The following CRAMP1 variants were observed in gnomAD, a reference collection of about 807,000 sequenced individuals.
The protein encoded by CRAMP1 is cramped chromatin regulator 1.
A neutral mutation model predicts 115.4 loss-of-function variants in CRAMP1; 50 were observed. The observed-to-expected ratio is 0.43, with a 90% CI of 0.35 to 0.55. The LOEUF is 0.55. Ranked by LOEUF, CRAMP1 falls within the 20% of genes least tolerant of loss-of-function variation. The probability of loss-of-function intolerance (pLI) is 0.01; values close to 1 mark genes in which losing one functional copy is unlikely to be tolerated. For missense variants in CRAMP1, 1,679 were observed against 1,721.7 expected (o/e 0.98, Z 0.44); for synonymous variants, 866 against 745.4 (o/e 1.16, Z -2.64).
intron 8 of CRAMP1, among the ~76,000 whole-genome samples, chr16:1,655,010 G>C (rs929739909): frequency 3.9e-5 from 6 of 152,246 alleles, no homozygotes; most frequent in Non-Finnish European, 5.9e-5. Flanking sequence ...GTTTTCTTTA[G>C]CTCTGTGTGA....
chr16:1,666,260 T>C lies in CRAMP1; in HGVS notation c.2857+83T>C. 1 of 1,222,118 alleles carries C rather than the reference T, an allele frequency of 8.2e-7. No homozygotes were observed. The highest frequency in any genetic ancestry group is 1.2e-6 in the Non-Finnish European group (1 of 848,620). 75.7% of individuals were successfully genotyped at this position (1,222,118 alleles called of 1,614,324 possible). On this transcript the variant is annotated intron_variant, in intron 15 of 20. Transcript: ENST00000397412. The surrounding 1 kb of genome is among the most constrained non-coding windows in gnomAD (Gnocchi z 5.0). The stretch of plus-strand genomic sequence containing the variant: ...TGACCAGGTTTTTTGAATGTTTTCT[T>C]CTCCAAATCATAATGTCTCATTACC...
chr16:1,671,398 G>T lies in CRAMP1; in HGVS notation c.3645+589G>T, dbSNP rs118170876. Among the ~76,000 whole-genome samples the T allele has an allele frequency of 4.6e-4, 70 of 152,326 alleles. No individual in the cohort carries two copies. Among genetic ancestry groups the T allele is most frequent in the Admixed American group, 3.3e-3 (50 of 15,300 alleles). On this transcript the variant is annotated intron_variant, in intron 20 of 20. Transcript: ENST00000397412. This position sits in a 1 kb window ranked among gnomAD's most constrained non-coding sequence, Gnocchi z 5.0. Reference sequence around the variant, plus strand: ...TGGTTTGTGACTCTCCACTTTTGACGAGATGCAGCGTCCCTCTTTGTTGGC... The same window carrying T: ...TGGTTTGTGACTCTCCACTTTTGACTAGATGCAGCGTCCCTCTTTGTTGGC...
chr16:1,639,798 G>A (rs997464229), intron 5 of CRAMP1, among the ~76,000 whole-genome samples: 2 of 152,174 alleles, frequency 1.3e-5, no homozygotes, highest in Non-Finnish European at 2.9e-5. Flanking sequence ...TGTCTGGTCC[G>A]TTTGTTACTT....
intron 4 of CRAMP1, among the ~76,000 whole-genome samples, chr16:1,633,345 A>G (rs1234408459): frequency 1.3e-5 from 2 of 152,218 alleles, no homozygotes. Context: ...CCCACCACGC[A>G]GCTAGCTTCT....
At chr16:1,638,588 G>T (rs2036607314) in intron 5 of CRAMP1, among the ~76,000 whole-genome samples, 1 of 152,198 alleles carries the variant, frequency 6.6e-6, no homozygotes, top group Non-Finnish European at 1.5e-5. Context: ...CCAGGCGCTT[G>T]TGCCCAGCGC....
At chr16:1,622,739 C>T (rs1005349504) in intron 2 of CRAMP1, among the ~76,000 whole-genome samples, 6 of 151,532 alleles carry the variant, frequency 4.0e-5, no homozygotes, top group African/African-American at 1.2e-4. Context: ...TGTGCCACCA[C>T]GCCCGGCAGT....
chr16:1,638,532 T>C (rs763882084), intron 5 of CRAMP1, among the ~76,000 whole-genome samples: 50 of 152,154 alleles, frequency 3.3e-4, no homozygotes, highest in Non-Finnish European at 6.6e-4. Flanking sequence ...CAGATTCCCT[T>C]GAGACATTTT....
At chr16:1,663,197 A>T (rs2036847518) in intron 13 of CRAMP1, among the ~76,000 whole-genome samples, 1 of 152,190 alleles carries the variant, frequency 6.6e-6, no homozygotes, top group South Asian at 2.1e-4. Context: ...GCCTCTCATG[A>T]GCTCCCCAGG....
chr16:1,656,980 C>A lies in CRAMP1; in HGVS notation c.2223C>A (p.Val741=). 1 of 1,532,960 alleles carries A rather than the reference C, an allele frequency of 6.5e-7. No individual in the cohort carries two copies. The highest frequency in any genetic ancestry group is 8.8e-7 in the Non-Finnish European group (1 of 1,137,894). 95.0% of individuals were successfully genotyped at this position (1,532,960 alleles called of 1,614,324 possible). The change falls in exon 10 of 21, where the codon GTC becomes GTA. Residue 741 remains valine, a synonymous_variant. Coordinates refer to ENST00000397412, the MANE Select transcript of CRAMP1 (RefSeq NM_020825.4). This position sits in a 1 kb window ranked among gnomAD's most constrained non-coding sequence, Gnocchi z 5.6. ...TCCTGAAGCTCATTTCCACCGAGGT[C>A]AACCCCAAGCTGGTGAGTGGGTTGG... ...SCLLKLISTE[V]NPKLALEANT...
intron 6 of CRAMP1, among the ~76,000 whole-genome samples, chr16:1,641,904 G>A (rs74002430): frequency 2.6e-5 from 4 of 151,708 alleles, no homozygotes; most frequent in African/African-American, 4.8e-5. Flanking sequence ...TGGAGCCTGG[G>A]GGGGGGTCCC....
intron 2 of CRAMP1, among the ~76,000 whole-genome samples, chr16:1,625,047 T>TCAAA (rs2036497891): frequency 1.3e-5 from 2 of 152,122 alleles, no homozygotes; most frequent in African/African-American, 4.8e-5. Flanking sequence ...TTTTAAAGCA[T>TCAAA]TTTTGTTTCA....
At chr16:1,636,730 C>T (rs1456467342) in intron 4 of CRAMP1, among the ~76,000 whole-genome samples, 5 of 152,226 alleles carry the variant, frequency 3.3e-5, no homozygotes, top group South Asian at 2.1e-4. Context: ...ATAGCAGTGG[C>T]CCAAGCGCCT....
intron 6 of CRAMP1, among the ~76,000 whole-genome samples, chr16:1,641,551 G>T (rs555709403): frequency 6.6e-6 from 1 of 152,238 alleles, no homozygotes; most frequent in African/African-American, 2.4e-5. Context: ...CCTTTCCATT[G>T]CATTTTTGTC....
intron 3 of CRAMP1, 42 bp from the exon 4 acceptor site, chr16:1,632,170 T>G: frequency 1.3e-6 from 2 of 1,530,848 alleles, no homozygotes; most frequent in Non-Finnish European, 1.8e-6. Flanking sequence ...AAAGCTGCAT[T>G]GTTTTAACCC....
intron 4 of CRAMP1, among the ~76,000 whole-genome samples, chr16:1,635,965 G>C (rs758483188): frequency 6.6e-6 from 1 of 152,214 alleles, no homozygotes; most frequent in Admixed American, 6.5e-5. Flanking sequence ...GTGTTGTAGC[G>C]TGTGCCAGTC....
chr16:1,652,681 G>A (rs1441799456), intron 7 of CRAMP1, 100 bp downstream of exon 7: 3 of 1,073,232 alleles, frequency 2.8e-6, no homozygotes, highest in Non-Finnish European at 4.2e-6. Flanking sequence ...CAGTTGCTTT[G>A]TGTCTGACCC....
chr16:1,659,832 G>A, intron 10 of CRAMP1, 54 bp from the exon 11 acceptor site: 1 of 1,532,322 alleles, frequency 6.5e-7, no homozygotes, highest in Non-Finnish European at 9.0e-7. Context: ...GGGCACGCAA[G>A]AGCCATTTCT....
rs367605120 is a variant in CRAMP1 at position 1,673,971 on chromosome 16, G to A, written c.3736G>A (p.Ala1246Thr). 5.1e-5 allele frequency: 82 copies of A among 1,613,128 alleles called. No homozygotes were observed. Among genetic ancestry groups the A allele is most frequent in the Non-Finnish European group, 6.6e-5 (78 of 1,179,894 alleles). The change falls in exon 21 of 21, where the codon GCT becomes ACT. Residue 1246 changes from alanine (A) to threonine (T), a missense_variant. Physicochemically the swap from Ala to Thr is moderately conservative, Grantham distance 58. Coordinates refer to ENST00000397412, the MANE Select transcript of CRAMP1 (RefSeq NM_020825.4). ...TGACCTGGCCCAAGAGCTGTCCATC[G>A]CTGAGCCTGGCCGCCGAGAAGCTCT... is the stretch of plus-strand genomic sequence containing the variant. ...FNDLAQELSI[A>T]EPGRREALFD...
intron 5 of CRAMP1, among the ~76,000 whole-genome samples, chr16:1,639,785 G>C (rs2142184580): frequency 6.6e-6 from 1 of 152,190 alleles, no homozygotes; most frequent in East Asian, 1.9e-4. Context: ...AAAGGGAATA[G>C]CGTGTCTGGT....
Sources: allele counts gnomAD v4.1 joint callset (sites outside exome capture counted in the v4.1 genomes callset), GRCh38; gene constraint gnomAD v4.1.1; non-coding constraint Gnocchi (gnomAD v3.1); transcripts MANE v1.5; gene names NCBI Gene and HGNC (gene_info 2026-07-23, HGNC 2026-07-21).